Variants in NR3C1 observed in about 807,000 individuals in gnomAD.
NR3C1 encodes the protein nuclear receptor subfamily 3 group C member 1.
Under a neutral mutation model 74.0 loss-of-function variants are expected in NR3C1, and 14 were observed. The observed-to-expected ratio is 0.19, with a 90% confidence interval of 0.12 to 0.30. The LOEUF (loss-of-function observed/expected upper bound fraction) is 0.30, where lower values mean the gene tolerates loss of function less well. Among genes scored for constraint, NR3C1 ranks in the 10% least tolerant of loss-of-function variants. The pLI is 1.00. For synonymous variants in NR3C1, 308 were observed against 332.5 expected (o/e 0.93, Z 0.80); for missense variants, 695 against 909.8 (o/e 0.76, Z 3.04).
At chr5:143,302,406 CTCAGTGAAA>C (rs1359498026) in intron 4 of NR3C1, among the ~76,000 whole-genome samples, 1 of 152,062 alleles carries the variant, frequency 6.6e-6, no homozygotes, top group Non-Finnish European at 1.5e-5. Flanking sequence ...CCAGAAGTAT[CTCAGTGAAA>C]TCTTGATCCA....
intron 2 of NR3C1, among the ~76,000 whole-genome samples, chr5:143,379,148 C>T (rs1268239628): frequency 6.6e-6 from 1 of 152,190 alleles, no homozygotes; most frequent in Non-Finnish European, 1.5e-5. Context: ...TTCCCTAACA[C>T]ACTTTCTCTT....
chr5:143,284,712 C>CCTGGAATTCCCCTCCTACTGGAAAA (rs1813940048), intron 7 of NR3C1, among the ~76,000 whole-genome samples: 1 of 151,894 alleles, frequency 6.6e-6, no homozygotes, highest in African/African-American at 2.4e-5. Flanking sequence ...GTAAGTACAG[C>CCTGGAATTCCCCTCCTACTGGAAAA]CTGGAATTCC....
chr5:143,352,062 A>G (rs758255155), intron 2 of NR3C1, among the ~76,000 whole-genome samples: 4 of 152,180 alleles, frequency 2.6e-5, no homozygotes, highest in African/African-American at 7.2e-5. Context: ...CCTTCACAAC[A>G]TTCCTAGTCA....
rs10055443 is a variant in NR3C1, at chr5:143,385,854, T to C, written c.1184+13802A>G. ...AAACTGTTGCAACCTCTGCCCATTA[T>C]CCAGTTACAAAGTTGCTTCCGCATT... On this transcript the variant is annotated intron_variant, in intron 2 of 8. Transcript: ENST00000394464. Among the ~76,000 whole-genome samples, 666 of 152,358 alleles carry C rather than the reference T, an allele frequency of 4.4e-3. 2 individuals carry two copies. Among genetic ancestry groups the C allele is most frequent in the African/African-American group, 0.015 (634 of 41,582 alleles).
chr5:143,294,074 A>G, intron 7 of NR3C1: 5 of 984,170 alleles, frequency 5.1e-6, no homozygotes, highest in Non-Finnish European at 6.0e-6. Context: ...AATACTTCTT[A>G]TATCCATTAA....
chr5:143,343,917 ATC>A (rs1407370283), intron 2 of NR3C1, among the ~76,000 whole-genome samples: 3 of 152,206 alleles, frequency 2.0e-5, no homozygotes, highest in Non-Finnish European at 4.4e-5. Context: ...TGAACTGCAA[ATC>A]TCATTCACTC....
chr5:143,358,190 T>C (rs1483491984), intron 2 of NR3C1, among the ~76,000 whole-genome samples: 2 of 152,182 alleles, frequency 1.3e-5, no homozygotes, highest in African/African-American at 4.8e-5. Context: ...ATTAAACATT[T>C]ACTATATACA....
chr5:143,383,039 C>T (rs539227667), intron 2 of NR3C1, among the ~76,000 whole-genome samples: 2 of 152,286 alleles, frequency 1.3e-5, no homozygotes, highest in East Asian at 3.9e-4. Context: ...TAAGTAAATG[C>T]TGAATGAACG....
intron 7 of NR3C1, chr5:143,294,791 C>T (rs10482692): frequency 5.6e-4 from 204 of 367,438 alleles, no homozygotes; most frequent in African/African-American, 3.7e-3. Flanking sequence ...ATTTAACGTC[C>T]CTCCATGTGT....
rs544961717 is a variant in NR3C1, at chr5:143,337,272, A to T, written c.1185-23104T>A. On this transcript the variant is annotated intron_variant, in intron 2 of 8. Coordinates refer to ENST00000394464, the MANE Select transcript of NR3C1 (RefSeq NM_000176.3). The stretch of plus-strand genomic sequence containing the variant: ...ATATGAAAAGTTACTCAGCTTAATT[A>T]GTAATCAGGGAAATGCAAATTAAAA... 3.9e-5 allele frequency among the ~76,000 whole-genome samples: 6 copies of T among 152,350 alleles called. No individual in the cohort carries two copies. In the South Asian group the frequency reaches 1.2e-3, roughly 32 times the overall value.
chr5:143,376,808 TACC>T (rs1835285694), intron 2 of NR3C1, among the ~76,000 whole-genome samples: 1 of 152,200 alleles, frequency 6.6e-6, no homozygotes, highest in African/African-American at 2.4e-5. Context: ...TGTAGCTGTG[TACC>T]ACTAGTTTTT....
chr5:143,317,469 C>T (rs1190346072), intron 2 of NR3C1, among the ~76,000 whole-genome samples: 1 of 152,138 alleles, frequency 6.6e-6, no homozygotes, highest in Non-Finnish European at 1.5e-5. Context: ...CCATTATGAA[C>T]TATTGCTAGG....
chr5:143,400,157 A>G lies in NR3C1; in HGVS notation c.683T>C (p.Leu228Pro), dbSNP rs1193294159. 13 of 1,614,178 alleles carry G rather than the reference A, an allele frequency of 8.1e-6. No homozygotes were observed. Among genetic ancestry groups the G allele is most frequent in the Admixed American group, 1.7e-5 (1 of 60,010 alleles). The part of the protein sequence containing the change: ...LIDENCLLSP[L>P]AGEDDSFLLE... ...AAGGAATGAATCGTCTTCTCCCGCC[A>G]GAGGAGAAAGCAAACAGTTTTCATC... The change falls in exon 2 of 9, where the codon CTG becomes CCG. Residue 228 changes from leucine (L) to proline (P), a missense_variant. By Grantham distance (98) the Leu-to-Pro change is moderately conservative. Transcript: ENST00000394464.
chr5:143,282,920 T>C (rs1813453641), intron 7 of NR3C1, among the ~76,000 whole-genome samples, 195 bp from the exon 8 acceptor site: 1 of 147,720 alleles, frequency 6.8e-6, no homozygotes, highest in Admixed American at 6.7e-5. Context: ...GCTAGGACTG[T>C]AGGCACAAGC....
At chr5:143,296,263 A>G (rs1314688712) in intron 6 of NR3C1, among the ~76,000 whole-genome samples, 3 of 151,096 alleles carry the variant, frequency 2.0e-5, no homozygotes, top group African/African-American at 7.3e-5. Context: ...CACAGCTTTT[A>G]AAATGCTTCA....
intron 2 of NR3C1, among the ~76,000 whole-genome samples, chr5:143,321,095 T>C (rs912493414): frequency 1.9e-4 from 29 of 152,174 alleles, no homozygotes; most frequent in African/African-American, 6.8e-4. Flanking sequence ...CATAAGAGCA[T>C]ACAAGGATAA....
Position 143,300,804 on chromosome 5 carries a change from G to T in NR3C1, c.1469-41C>A. 1.3e-6 allele frequency: 2 copies of T among 1,570,672 alleles called. No individual in the cohort carries two copies. The highest frequency in any genetic ancestry group is 2.2e-5 in the South Asian group (2 of 89,654). On this transcript the variant is annotated intron_variant, in intron 4 of 8. Transcript: ENST00000394464. This position sits in a 1 kb window ranked among gnomAD's most constrained non-coding sequence, Gnocchi z 5.2. ...CAAATACATAGAAATGAACTGTAAT[G>T]GGAAGGTCTGCGCTACACAGTTTAT... is the stretch of plus-strand genomic sequence containing the variant.
At chr5:143,282,943 G>A (rs2151477519) in intron 7 of NR3C1, among the ~76,000 whole-genome samples, 1 of 150,868 alleles carries the variant, frequency 6.6e-6, no homozygotes, top group East Asian at 2.0e-4. Flanking sequence ...CCATGTCTGA[G>A]TGGCATAATC....
chr5:143,369,284 G>T (rs1345004386), intron 2 of NR3C1, among the ~76,000 whole-genome samples: 2 of 152,122 alleles, frequency 1.3e-5, no homozygotes, highest in Non-Finnish European at 2.9e-5. Context: ...AAAATGTTTG[G>T]CAGTTCCTCA....
Sources: gnomAD v4.1 joint callset for allele counts (sites outside exome capture counted in the v4.1 genomes callset) on GRCh38, gnomAD v4.1.1 for gene constraint, Gnocchi (gnomAD v3.1) non-coding constraint, MANE v1.5 for transcripts, NCBI Gene and HGNC (gene_info 2026-07-23, HGNC 2026-07-21) for gene names.